Variants in FARP1 observed in about 807,000 individuals in gnomAD.
The protein encoded by FARP1 is FERM, ARH/RhoGEF and pleckstrin domain protein 1.
In FARP1, 52 loss-of-function variants were observed where a neutral mutation model predicts 128.8. The ratio of observed to expected loss-of-function variants is 0.40; its 90% CI spans 0.32 to 0.51. FARP1 has a LOEUF of 0.51. FARP1 is among the 20% of genes least tolerant of loss of function. The probability of loss-of-function intolerance (pLI) is 0.45; values close to 1 mark genes in which losing one functional copy is unlikely to be tolerated. For synonymous variants in FARP1, 580 were observed against 551.8 expected, an observed-to-expected ratio of 1.05 and a Z score of -0.72; for missense variants, 1,333 against 1,367.9, an observed-to-expected ratio of 0.97 and a Z score of 0.40.
At chr13:98,385,628 A>T in intron 7 of FARP1, 39 bp from the exon 8 acceptor site, 1 of 1,610,768 alleles carries the variant, frequency 6.2e-7, no homozygotes, top group Non-Finnish European at 8.5e-7. Context: ...CAGGGAATTC[A>T]AATCTCCTGG....
chr13:98,283,172 A>G (rs1020190270), intron 2 of FARP1, among the ~76,000 whole-genome samples: 9 of 152,234 alleles, frequency 5.9e-5, no homozygotes, highest in African/African-American at 2.2e-4. Flanking sequence ...CATAAATGCT[A>G]TAATCTATAT....
At chr13:98,390,699 G>T in intron 10 of FARP1, 113 bp from the exon 11 acceptor site, 1 of 799,776 alleles carries the variant, frequency 1.3e-6, no homozygotes, top group Non-Finnish European at 2.1e-6. Context: ...AAGCAACCCT[G>T]CATCTCTCCC....
At position 98,431,058 on chromosome 13, in the gene FARP1, C is replaced by T. The variant is rs1462036740; in HGVS notation, c.1921C>T (p.Leu641=). 1.9e-6 allele frequency: 3 copies of T among 1,613,498 alleles called. No individual in the cohort carries two copies. The highest frequency in any genetic ancestry group is 2.5e-6 in the Non-Finnish European group (3 of 1,179,630). The stretch of plus-strand genomic sequence containing the variant: ...GCCTCCCAAGCACCTGGCGGCTCAC[C>T]TGTGGAAGCACAGCGAGGCCTTGGA... The part of the protein sequence containing the change: ...IQGMKHLAAH[L]WKHSEALEAL... The change falls in exon 18 of 27, where the codon CTG becomes TTG. Residue 641 remains leucine (L), a synonymous_variant. Coordinates refer to ENST00000319562, the MANE Select transcript of FARP1 (RefSeq NM_005766.4).
chr13:98,335,402 C>T (rs1052940113), intron 2 of FARP1, among the ~76,000 whole-genome samples: 2 of 152,136 alleles, frequency 1.3e-5, no homozygotes, highest in Non-Finnish European at 2.9e-5. Flanking sequence ...AAAAACTTTT[C>T]CTTATAAAAC....
chr13:98,176,353 T>G lies in FARP1; in HGVS notation c.-24+32861T>G. On this transcript the variant is annotated intron_variant, in intron 1 of 26. Transcript: ENST00000319562. This position sits in a 1 kb window ranked among gnomAD's most constrained non-coding sequence, Gnocchi z 6.2. ...GGGGTTAAAGATGCCGCCGGTTGGC[T>G]GGTCACAGATGTAGCAGCGCGGGGT... is the stretch of plus-strand genomic sequence containing the variant. 6.2e-7 allele frequency: 1 copy of G among 1,614,092 alleles called. No homozygotes were observed. Among genetic ancestry groups the G allele is most frequent in the Non-Finnish European group, 8.5e-7 (1 of 1,179,902 alleles).
chr13:98,275,759 GAGA>G (rs537252072), intron 2 of FARP1, among the ~76,000 whole-genome samples: 101 of 152,056 alleles, frequency 6.6e-4, no homozygotes, highest in Admixed American at 3.7e-3. Context: ...GGCATGAGAA[GAGA>G]ATAAACCTTT....
chr13:98,318,702 C>A (rs1035277695), intron 2 of FARP1, among the ~76,000 whole-genome samples: 5 of 152,192 alleles, frequency 3.3e-5, no homozygotes, highest in African/African-American at 9.6e-5. Flanking sequence ...CAGACTGCCA[C>A]CACCCCACCC....
At chr13:98,302,899 C>T (rs1368298785) in intron 2 of FARP1, among the ~76,000 whole-genome samples, 5 of 151,964 alleles carry the variant, frequency 3.3e-5, no homozygotes, top group Non-Finnish European at 7.4e-5. Flanking sequence ...AGTATCAGGC[C>T]CCAACGAGGA....
intron 1 of FARP1, among the ~76,000 whole-genome samples, chr13:98,199,334 A>C (rs1456351170): frequency 6.6e-6 from 1 of 152,206 alleles, no homozygotes; most frequent in African/African-American, 2.4e-5. Context: ...TGCCTTGAAC[A>C]GTCATCTCTG....
chr13:98,307,263 T>C (rs1431801481), intron 2 of FARP1, among the ~76,000 whole-genome samples: 1 of 152,224 alleles, frequency 6.6e-6, no homozygotes, highest in Non-Finnish European at 1.5e-5. Flanking sequence ...TATGAAGTCA[T>C]TGATTTTTGA....
chr13:98,203,733 T>C (rs940294287), intron 1 of FARP1: 2 of 152,220 alleles, frequency 1.3e-5, no homozygotes, highest in African/African-American at 2.4e-5. Context: ...TGCAGACATA[T>C]GTTTTCATTT....
chr13:98,298,430 T>G (rs1053354675), intron 2 of FARP1, among the ~76,000 whole-genome samples: 17 of 152,192 alleles, frequency 1.1e-4, no homozygotes, highest in African/African-American at 4.1e-4. Context: ...TTTCCAAAGG[T>G]GCAGATAGAA....
chr13:98,415,507 G>A lies in FARP1; in HGVS notation c.1826+3473G>A, dbSNP rs1184914113. Reference sequence around the variant, plus strand: ...TGCGTGGCAGGCTTTGCCCATGGGGGACTTGCACTCTCAAAGGAGGAGGCA... The same window carrying A: ...TGCGTGGCAGGCTTTGCCCATGGGGAACTTGCACTCTCAAAGGAGGAGGCA... On this transcript the variant is annotated intron_variant, in intron 16 of 26. Coordinates refer to ENST00000319562, the MANE Select transcript of FARP1 (RefSeq NM_005766.4). 2.6e-5 allele frequency among the ~76,000 whole-genome samples: 4 copies of A among 152,214 alleles called. No individual in the cohort carries two copies. The South Asian group carries it at 6.2e-4, about 24-fold the overall frequency.
chr13:98,428,296 C>T lies in FARP1; in HGVS notation c.1906-2747C>T, dbSNP rs552289330. 2.0e-5 allele frequency among the ~76,000 whole-genome samples: 3 copies of T among 152,310 alleles called. No homozygotes were observed. The East Asian group carries it at 5.8e-4, about 29-fold the overall frequency. On this transcript the variant is annotated intron_variant, in intron 17 of 26. Coordinates refer to ENST00000319562, the MANE Select transcript of FARP1 (RefSeq NM_005766.4). ...CTTGGAAATCAATGCAAAGAAAGGG[C>T]CTTTCATCCTGACCTTCACCTGCTT...
intron 2 of FARP1, among the ~76,000 whole-genome samples, chr13:98,234,968 A>G (rs1882334287): frequency 6.6e-6 from 1 of 152,218 alleles, no homozygotes. Context: ...TTTTAATTCC[A>G]GTGATATCAA....
intron 16 of FARP1, among the ~76,000 whole-genome samples, chr13:98,416,502 A>AATC (rs1891380794): frequency 6.6e-6 from 1 of 152,198 alleles, no homozygotes. Flanking sequence ...CACACCTGAG[A>AATC]AGGAGATGGA....
intron 1 of FARP1, among the ~76,000 whole-genome samples, chr13:98,205,114 T>C (rs1220135052): frequency 6.6e-6 from 1 of 152,196 alleles, no homozygotes; most frequent in Non-Finnish European, 1.5e-5. Context: ...ATTTGAACTT[T>C]TTGCCTAGCT....
At chr13:98,166,727 T>TC (rs112268790) in intron 1 of FARP1, among the ~76,000 whole-genome samples, 7,224 of 149,186 alleles carry the variant, frequency 0.048, 592 homozygotes, top group African/African-American at 0.17. Context: ...TTTCTTTCTT[T>TC]TTTTTTTTTT....
chr13:98,327,965 G>T (rs1317719776), intron 2 of FARP1, among the ~76,000 whole-genome samples: 2 of 152,082 alleles, frequency 1.3e-5, no homozygotes, highest in Non-Finnish European at 2.9e-5. Context: ...TTCATGAAAC[G>T]AGAACCATGC....
Sources: allele counts gnomAD v4.1 joint callset (sites outside exome capture counted in the v4.1 genomes callset), GRCh38; gene constraint gnomAD v4.1.1; non-coding constraint Gnocchi (gnomAD v3.1); transcripts MANE v1.5; gene names NCBI Gene and HGNC (gene_info 2026-07-23, HGNC 2026-07-21).